The following CACNA2D3 variants were observed in gnomAD, a reference collection of about 807,000 sequenced individuals.
CACNA2D3 encodes the protein voltage-dependent calcium channel subunit alpha-2/delta-3.
Under a neutral mutation model 160.6 loss-of-function variants are expected in CACNA2D3, and 60 were observed. The observed-to-expected ratio is 0.37, with a 90% CI of 0.30 to 0.46. The LOEUF is 0.46. Ranked by LOEUF, CACNA2D3 falls within the 20% of genes least tolerant of loss-of-function variation. The probability of loss-of-function intolerance (pLI) is 1.00; values close to 1 mark genes in which losing one functional copy is unlikely to be tolerated. For synonymous variants in CACNA2D3, 558 were observed against 492.9 expected, an observed-to-expected ratio of 1.13 and a Z score of -1.75; for missense variants, 1,205 against 1,365.0, an observed-to-expected ratio of 0.88 and a Z score of 1.85.
At chr3:54,345,781 G>A (rs1698445959) in intron 3 of CACNA2D3, among the ~76,000 whole-genome samples, 1 of 151,752 alleles carries the variant, frequency 6.6e-6, no homozygotes, top group East Asian at 1.9e-4. Flanking sequence ...AAGAGTCTAA[G>A]TCTTTGCAAT....
chr3:54,774,197 T>G (rs926496128), intron 13 of CACNA2D3, among the ~76,000 whole-genome samples: 11 of 152,312 alleles, frequency 7.2e-5, no homozygotes, highest in Non-Finnish European at 1.5e-4. Context: ...AGGGGTTGTA[T>G]TAGTTTCTTC....
intron 2 of CACNA2D3, among the ~76,000 whole-genome samples, chr3:54,152,577 T>C (rs1350268355): frequency 2.6e-5 from 4 of 152,166 alleles, no homozygotes; most frequent in Admixed American, 2.6e-4. Flanking sequence ...GCCTGGGCGA[T>C]GGACGCACTG....
Position 54,896,773 on chromosome 3 carries a change from G to A in CACNA2D3, c.2271G>A (p.Lys757=), listed in dbSNP as rs557479858. 3.4e-5 allele frequency: 55 copies of A among 1,613,998 alleles called. No homozygotes were observed. The African/African-American group carries it at 6.1e-4, about 18-fold the overall frequency. The change falls in exon 26 of 38, where the codon AAG becomes AAA. Residue 757 remains lysine (K), a synonymous_variant. Coordinates refer to ENST00000474759, the MANE Select transcript of CACNA2D3 (RefSeq NM_018398.3). ...GGGACTTCCTGAAAGCTGGCGACAA[G>A]GAGAACATTTTTAACGCAGACCATT... ...TNQDFLKAGD[K]ENIFNADHFP... is the part of the protein sequence containing the mutation.
chr3:54,578,842 C>G (rs1341026683), intron 8 of CACNA2D3, among the ~76,000 whole-genome samples: 1 of 152,172 alleles, frequency 6.6e-6, no homozygotes, highest in East Asian at 1.9e-4. Flanking sequence ...CTCTGGAGCC[C>G]CCACAAGTAT....
chr3:54,717,656 G>A (rs1001438232), intron 11 of CACNA2D3, among the ~76,000 whole-genome samples: 3 of 139,092 alleles, frequency 2.2e-5, no homozygotes, highest in African/African-American at 2.7e-5. Flanking sequence ...TGTCTGGTGC[G>A]TGTGTATGCA....
At position 54,809,311 on chromosome 3, in the gene CACNA2D3, C is replaced by CTTTTTTTTTTT. The variant is rs1217898723; in HGVS notation, c.1381-7534_1381-7524dup. Among the ~76,000 whole-genome samples the CTTTTTTTTTTT allele has an allele frequency of 7.8e-3, 629 of 80,658 alleles. 32 individuals are homozygous for CTTTTTTTTTTT. The highest frequency in any genetic ancestry group is 0.011 in the Non-Finnish European group (479 of 44,866). 52.9% of individuals were successfully genotyped at this position (80,658 alleles called of 152,430 possible). ...TCTTTCTTTCCTTCCTTCCTTCTTTCTTTTTTTTTTTTTTTTTTGAGACGG... is the reference window on the plus strand; with the variant it reads ...TCTTTCTTTCCTTCCTTCCTTCTTTCTTTTTTTTTTTTTTTTTTTTTTTTTTTTTGAGACGG... On this transcript the variant is annotated intron_variant, in intron 13 of 37. Transcript: ENST00000474759.
intron 2 of CACNA2D3, among the ~76,000 whole-genome samples, chr3:54,181,673 T>A (rs999359515): frequency 6.6e-6 from 1 of 152,180 alleles, no homozygotes; most frequent in African/African-American, 2.4e-5. Context: ...ACTTAAAAAA[T>A]TTTTTGAGGT....
intron 4 of CACNA2D3, among the ~76,000 whole-genome samples, chr3:54,464,547 C>T (rs561339544): frequency 6.6e-6 from 1 of 152,196 alleles, no homozygotes; most frequent in African/African-American, 2.4e-5. Flanking sequence ...TAGCAATCAG[C>T]AAGACTCCGT....
intron 27 of CACNA2D3, among the ~76,000 whole-genome samples, chr3:54,952,431 T>C (rs947391728): frequency 3.9e-5 from 6 of 152,170 alleles, no homozygotes; most frequent in Non-Finnish European, 1.5e-5. Flanking sequence ...GGAGCTCTTT[T>C]TGGGCTCTCA....
intron 17 of CACNA2D3, among the ~76,000 whole-genome samples, chr3:54,860,835 C>T (rs1396749804): frequency 6.6e-6 from 1 of 152,122 alleles, no homozygotes; most frequent in East Asian, 1.9e-4. Flanking sequence ...TCAGTTTCCT[C>T]CGCTGAAAAA....
At position 54,559,469 on chromosome 3, in the gene CACNA2D3, T is replaced by G. The variant is rs191601423; in HGVS notation, c.545-3331T>G. 7.4e-3 allele frequency among the ~76,000 whole-genome samples: 1,128 copies of G among 152,170 alleles called. 11 individuals are homozygous for G. The highest frequency in any genetic ancestry group is 0.025 in the African/African-American group (1,051 of 41,510). On this transcript the variant is annotated intron_variant, in intron 5 of 37. Transcript: ENST00000474759. ...CACCACGCCCAGCTAGTTTTTCTAT[T>G]TTTAGTAGAGATGGGCTTTCACCAT...
At chr3:54,689,007 A>AG (rs1700519650) in intron 11 of CACNA2D3, among the ~76,000 whole-genome samples, 12 of 122,124 alleles carry the variant, frequency 9.8e-5, no homozygotes, top group South Asian at 2.9e-4. Flanking sequence ...AAAAAAAAAA[A>AG]AAAAGAATGA....
At chr3:54,578,601 T>C (rs1702625044) in intron 8 of CACNA2D3, among the ~76,000 whole-genome samples, 1 of 152,330 alleles carries the variant, frequency 6.6e-6, no homozygotes, top group South Asian at 2.1e-4. Context: ...CGGCTCCCTC[T>C]GGTGATACAG....
chr3:54,673,971 T>C (rs1700199867), intron 11 of CACNA2D3, among the ~76,000 whole-genome samples: 1 of 152,186 alleles, frequency 6.6e-6, no homozygotes, highest in Non-Finnish European at 1.5e-5. Flanking sequence ...CAGCTGTGTC[T>C]TCCATGGCTG....
At chr3:54,791,178 C>T (rs1180539970) in intron 13 of CACNA2D3, among the ~76,000 whole-genome samples, 1 of 152,194 alleles carries the variant, frequency 6.6e-6, no homozygotes, top group African/African-American at 2.4e-5. Flanking sequence ...CAATTGATTC[C>T]ATCTTAGGTC....
At chr3:54,857,061 G>A (rs775216849) in intron 17 of CACNA2D3, among the ~76,000 whole-genome samples, 6 of 152,164 alleles carry the variant, frequency 3.9e-5, no homozygotes, top group South Asian at 4.1e-4. Flanking sequence ...GATTACAGGC[G>A]TGAGCCACCA....
At chr3:55,006,368 T>C (rs1226147163) in intron 32 of CACNA2D3, among the ~76,000 whole-genome samples, 1 of 152,130 alleles carries the variant, frequency 6.6e-6, no homozygotes, top group East Asian at 1.9e-4. Context: ...CCTCCAAAGC[T>C]TCCTTAATCC....
At chr3:54,906,850 A>T (rs1057264292) in intron 27 of CACNA2D3, among the ~76,000 whole-genome samples, 3 of 152,242 alleles carry the variant, frequency 2.0e-5, no homozygotes, top group Non-Finnish European at 2.9e-5. Flanking sequence ...TTAGTGATGT[A>T]GCTATAGGTC....
chr3:55,042,427 C>T (rs915293747), intron 35 of CACNA2D3, among the ~76,000 whole-genome samples: 1 of 152,110 alleles, frequency 6.6e-6, no homozygotes, highest in Admixed American at 6.6e-5. Flanking sequence ...TCTCTGGTGA[C>T]ATCCTTTGTC....
Sources: allele counts gnomAD v4.1 joint callset (sites outside exome capture counted in the v4.1 genomes callset), GRCh38; gene constraint gnomAD v4.1.1; transcripts MANE v1.5; gene names NCBI Gene and HGNC (gene_info 2026-07-23, HGNC 2026-07-21).